XPR1: variants seen among roughly 807,000 people sequenced by gnomAD.
XPR1 encodes the protein solute carrier family 53 member 1.
XPR1 carries 28 observed loss-of-function variants against 87.5 expected under a neutral mutation model. The observed-to-expected ratio is 0.32, with a 90% confidence interval of 0.24 to 0.44. The LOEUF is 0.44. Ranked by LOEUF, XPR1 falls within the 20% of genes least tolerant of loss-of-function variation. The pLI is 1.00. For missense variants in XPR1, 559 were observed against 862.3 expected (o/e 0.65, Z 4.41); for synonymous variants, 300 against 306.1 (o/e 0.98, Z 0.21).
At chr1:180,697,003 G>A (rs1364371517) in intron 2 of XPR1, among the ~76,000 whole-genome samples, 1 of 152,120 alleles carries the variant, frequency 6.6e-6, no homozygotes, top group African/African-American at 2.4e-5. Flanking sequence ...TGTAGAATGA[G>A]TTAGGAAGAG....
At chr1:180,749,469 A>T (rs1466223123) in intron 2 of XPR1, among the ~76,000 whole-genome samples, 1 of 152,104 alleles carries the variant, frequency 6.6e-6, no homozygotes, top group Non-Finnish European at 1.5e-5. Flanking sequence ...CTCATTCATT[A>T]GTTGCAACCT....
chr1:180,793,581 A>G (rs1649464125), intron 3 of XPR1, among the ~76,000 whole-genome samples: 1 of 152,100 alleles, frequency 6.6e-6, no homozygotes, highest in Non-Finnish European at 1.5e-5. Flanking sequence ...GTGTTAACGT[A>G]TCTTCCTGTG....
intron 3 of XPR1, 126 bp downstream of exon 3, chr1:180,787,980 G>GT (rs72501183): frequency 1.7e-6 from 1 of 583,556 alleles, no homozygotes; most frequent in Admixed American, 4.2e-5. Flanking sequence ...GCACTTAAGA[G>GT]GATTTTCTTG....
At chr1:180,734,543 C>T (rs1477895622) in intron 2 of XPR1, among the ~76,000 whole-genome samples, 1 of 152,060 alleles carries the variant, frequency 6.6e-6, no homozygotes, top group Admixed American at 6.5e-5. Flanking sequence ...AGTTGGTTTG[C>T]AGAGAAAGGA....
At chr1:180,776,341 GTAGT>G (rs948510982) in intron 2 of XPR1, among the ~76,000 whole-genome samples, 1 of 151,774 alleles carries the variant, frequency 6.6e-6, no homozygotes, top group Non-Finnish European at 1.5e-5. Flanking sequence ...AATACATAAA[GTAGT>G]TATTGAATTA....
intron 1 of XPR1, among the ~76,000 whole-genome samples, chr1:180,656,625 ATATG>A (rs1426844449): frequency 9.9e-5 from 10 of 101,054 alleles, no homozygotes; most frequent in South Asian, 2.6e-4. Flanking sequence ...TATATTTTAT[ATATG>A]TATGTATAAT....
intron 12 of XPR1, among the ~76,000 whole-genome samples, 188 bp from the exon 13 acceptor site, chr1:180,873,615 T>C (rs1028027453): frequency 5.9e-5 from 9 of 152,200 alleles, no homozygotes; most frequent in Admixed American, 1.3e-4. Context: ...AAGAAAAAAC[T>C]AAATTGGTAG....
At chr1:180,873,277 A>T (rs1336255455) in intron 12 of XPR1, among the ~76,000 whole-genome samples, 1 of 152,256 alleles carries the variant, frequency 6.6e-6, no homozygotes. Flanking sequence ...GTAAAAATAG[A>T]ACATTTCTTA....
intron 2 of XPR1, among the ~76,000 whole-genome samples, chr1:180,734,129 T>C (rs752222256): frequency 1.1e-4 from 17 of 152,198 alleles, no homozygotes; most frequent in Non-Finnish European, 2.1e-4. Context: ...ACTATTATAC[T>C]TACAGGTTAC....
At chr1:180,706,612 C>T (rs1657564323) in intron 2 of XPR1, among the ~76,000 whole-genome samples, 1 of 144,818 alleles carries the variant, frequency 6.9e-6, no homozygotes, top group Non-Finnish European at 1.5e-5. Context: ...GACACAGAAG[C>T]TTTTTTTTTT....
chr1:180,659,397 TTCCTTCC>T (rs1557943700), intron 1 of XPR1, among the ~76,000 whole-genome samples: 4 of 83,480 alleles, frequency 4.8e-5, no homozygotes, highest in African/African-American at 3.3e-4. Flanking sequence ...CCTTCCTTCC[TTCCTTCC>T]TTCCTTCCTT....
chr1:180,786,601 T>A (rs1230460066), intron 2 of XPR1, among the ~76,000 whole-genome samples: 2 of 152,116 alleles, frequency 1.3e-5, no homozygotes, highest in Non-Finnish European at 2.9e-5. Context: ...TGGGATTCAG[T>A]AGGTTGATAG....
At chr1:180,645,062 A>T (rs528797529) in intron 1 of XPR1, among the ~76,000 whole-genome samples, 3 of 152,190 alleles carry the variant, frequency 2.0e-5, no homozygotes, top group Non-Finnish European at 4.4e-5. Flanking sequence ...TTTTGTGATA[A>T]TCTCAGGACA....
chr1:180,695,631 G>A (rs1045644164), intron 2 of XPR1, among the ~76,000 whole-genome samples: 1 of 152,014 alleles, frequency 6.6e-6, no homozygotes, highest in African/African-American at 2.4e-5. Context: ...GGGGGATCTA[G>A]TTTCATTTTT....
At chr1:180,793,405 A>G (rs2102100847) in intron 3 of XPR1, among the ~76,000 whole-genome samples, 1 of 152,270 alleles carries the variant, frequency 6.6e-6, no homozygotes, top group East Asian at 1.9e-4. Context: ...ACACTGAAAT[A>G]GTAAATGTTC....
chr1:180,844,718 T>C (rs1651621498), intron 11 of XPR1, among the ~76,000 whole-genome samples: 1 of 152,230 alleles, frequency 6.6e-6, no homozygotes, highest in Non-Finnish European at 1.5e-5. Context: ...AGGGTTTGGC[T>C]CCTCACTGCA....
chr1:180,686,438 TG>T (rs1279610606), intron 2 of XPR1, among the ~76,000 whole-genome samples: 5 of 152,140 alleles, frequency 3.3e-5, no homozygotes, highest in African/African-American at 1.2e-4. Flanking sequence ...AGGTGTGGTG[TG>T]GTGCTGAAAA....
intron 4 of XPR1, among the ~76,000 whole-genome samples, chr1:180,804,970 T>G (rs1370362874): frequency 6.6e-6 from 1 of 152,222 alleles, no homozygotes; most frequent in Non-Finnish European, 1.5e-5. Flanking sequence ...TTTTATTGTA[T>G]TAACTTTCCT....
chr1:180,740,415 A>G (rs1240591989), intron 2 of XPR1, among the ~76,000 whole-genome samples: 1 of 151,576 alleles, frequency 6.6e-6, no homozygotes, highest in South Asian at 2.1e-4. Context: ...GCGTCAAATC[A>G]TATGACCATG....
Sources: gnomAD v4.1 joint callset for allele counts (sites outside exome capture counted in the v4.1 genomes callset) on GRCh38, gnomAD v4.1.1 for gene constraint, MANE v1.5 for transcripts, NCBI Gene and HGNC (gene_info 2026-07-23, HGNC 2026-07-21) for gene names.